The following HSF4 variants were observed in gnomAD, a reference collection of about 807,000 sequenced individuals.
HSF4 encodes heat shock factor protein 4.
Under a neutral mutation model 52.0 loss-of-function variants are expected in HSF4, and 41 were observed. That is an observed-to-expected ratio of 0.79 (90% CI 0.61 to 1.02). The LOEUF (loss-of-function observed/expected upper bound fraction) is 1.02. HSF4 is among the 50% of genes least tolerant of loss of function. The pLI, the probability that HSF4 is intolerant of heterozygous loss-of-function variation, is 0.00. For synonymous variants in HSF4, 285 were observed against 273.0 expected (o/e 1.04, Z -0.43); for missense variants, 610 against 651.1 (o/e 0.94, Z 0.69).
Position 67,165,545 on chromosome 16 carries a change from C to T in HSF4, c.147C>T (p.Ser49=), listed in dbSNP as rs201279480. ...WSPSGTSFLV[S]DQSRFAKEVL... Reference sequence around the variant, plus strand: ...AGAGCGGGACCAGTTTCCTCGTAAGCGACCAGAGCCGTTTCGCCAAGGAAG... The same window carrying T: ...AGAGCGGGACCAGTTTCCTCGTAAGTGACCAGAGCCGTTTCGCCAAGGAAG... The change falls in exon 2 of 13, where the codon AGC becomes AGT. Residue 49 remains serine, a synonymous_variant. Transcript: ENST00000521374. The surrounding 1 kb of genome is among the most constrained non-coding windows in gnomAD (Gnocchi z 6.9). The T allele has an allele frequency of 6.2e-7, 1 of 1,613,222 alleles. No individual in the cohort carries two copies. Among genetic ancestry groups the T allele is most frequent in the African/African-American group, 1.3e-5 (1 of 75,060 alleles).
At position 67,168,853 on chromosome 16, in the gene HSF4, G is replaced by A. The variant is rs770452104; in HGVS notation, c.1105G>A (p.Gly369Arg). 12 of 1,613,738 alleles carry A rather than the reference G, an allele frequency of 7.4e-6. No individual in the cohort carries two copies. The highest frequency in any genetic ancestry group is 4.0e-5 in the African/African-American group (3 of 74,932). The stretch of plus-strand genomic sequence containing the variant: ...CAGGGGGCCTCTGGGCCTGGAAAGC[G>A]GGGACAGGAGCCCAGAGAGTCTGCT... ...PDRGPLGLESGDRSPESLLPP... is the reference protein window; with the variant it reads ...PDRGPLGLESRDRSPESLLPP... Residue 369 changes from glycine to arginine, a missense_variant, in exon 10 of 13, where the codon GGG becomes AGG. Transcript: ENST00000521374.
In HSF4 at chr16:67,165,506, G is replaced by A. The variant is rs1463531375; in HGVS notation, c.124-16G>A. ...TGGTCTCCGCCCGCACGGTGGGCGG[G>A]CGGCGTTCTTGGTAGAGCGGGACCA... On this transcript the variant is annotated splice_polypyrimidine_tract_variant and intron_variant, in intron 1 of 12. Coordinates refer to ENST00000521374, the MANE Select transcript of HSF4 (RefSeq NM_001374675.1). This position sits in a 1 kb window ranked among gnomAD's most constrained non-coding sequence, Gnocchi z 6.9. The A allele has an allele frequency of 1.9e-6, 3 of 1,611,734 alleles. No individual in the cohort carries two copies. The Admixed American group carries it at 5.0e-5, about 27-fold the overall frequency.
chr16:67,165,462 C>G lies in HSF4; in HGVS notation c.124-60C>G. The G allele has an allele frequency of 6.8e-7, 1 of 1,467,444 alleles. No individual in the cohort carries two copies. The highest frequency in any genetic ancestry group is 9.5e-7 in the Non-Finnish European group (1 of 1,048,758). The allele number at this position is 1,467,444 out of a possible 1,614,324, so 90.9% of individuals were successfully genotyped here. A position where few individuals can be genotyped will look rare whatever the true frequency, so the allele number is the denominator to read the frequency against. On this transcript the variant is annotated intron_variant, in intron 1 of 12. Coordinates refer to ENST00000521374, the MANE Select transcript of HSF4 (RefSeq NM_001374675.1). This position sits in a 1 kb window ranked among gnomAD's most constrained non-coding sequence, Gnocchi z 6.9. ...GCTGGAGCGCAGGACTGGCCGTGAG[C>G]GGGCACCGCTCACCCTCCTGGTCTC...
At position 67,169,328 on chromosome 16, in the gene HSF4, G is replaced by A. The variant is rs1486653842; in HGVS notation, c.1304G>A (p.Gly435Glu). Residue 435 changes from glycine (G) to glutamate (E), a missense_variant, in exon 12 of 13, where the codon GGG (glycine) becomes GAG (glutamate). Coordinates refer to ENST00000521374, the MANE Select transcript of HSF4 (RefSeq NM_001374675.1). The surrounding 1 kb of genome is among the most constrained non-coding windows in gnomAD (Gnocchi z 4.3). The part of the protein sequence containing the change: ...ERGEPELAVK[G>E]LNSPSPGKDP... ...GGTGAGCCTGAGCTGGCGGTCAAGG[G>A]GTTAAATTCTCCAAGCCCAGGTAAT... 3 of 1,613,632 alleles carry A rather than the reference G, an allele frequency of 1.9e-6. No homozygotes were observed. Among genetic ancestry groups the A allele is most frequent in the Non-Finnish European group, 2.5e-6 (3 of 1,179,938 alleles).
At chr16:67,166,168 C>A in intron 4 of HSF4, 98 bp downstream of exon 4, 2 of 1,412,370 alleles carry the variant, frequency 1.4e-6, no homozygotes, top group Non-Finnish European at 1.9e-6. Context: ...CTTCCTCTCT[C>A]CTGCCTTGGC....
In HSF4 at chr16:67,167,830, C is replaced by T. The variant is rs771806483; in HGVS notation, c.965C>T (p.Pro322Leu). The change falls in exon 9 of 13, where the codon CCG (proline) becomes CTG (leucine). Residue 322 changes from proline to leucine, a missense_variant. By Grantham distance (98) the Pro-to-Leu change is moderately conservative. Transcript: ENST00000521374. ...NECDFCVTAPPPLPVAVVQAI... is the reference protein window; with the variant it reads ...NECDFCVTAPLPLPVAVVQAI... ...TGTGACTTCTGCGTGACAGCCCCCC[C>T]GCCACTGCCTGTGGCTGTGGTGCAG... 59 of 1,597,396 alleles carry T rather than the reference C, an allele frequency of 3.7e-5. No individual in the cohort carries two copies. Among genetic ancestry groups the T allele is most frequent in the Admixed American group, 2.1e-4 (12 of 57,384 alleles).
In HSF4 at chr16:67,166,357, C is replaced by G. The variant is rs377009893; in HGVS notation, c.523C>G (p.Arg175Gly). The G allele has an allele frequency of 1.2e-5, 19 of 1,608,122 alleles. No homozygotes were observed. Among genetic ancestry groups the G allele is most frequent in the Middle Eastern group, 1.6e-4 (1 of 6,084 alleles). Residue 175 changes from arginine (R) to glycine (G), a missense_variant, in exon 5 of 13, where the codon CGG (arginine) becomes GGG (glycine). Arg to Gly is a moderately radical substitution (Grantham distance 125). Transcript: ENST00000521374. ...EILWREVVTL[R>G]QSHGQQHRVI... is the part of the protein sequence containing the mutation. ...CTTGTGGCGGGAGGTGGTGACACTT[C>G]GGCAGAGCCACGGTCAGCAGCACCG...
chr16:67,168,763 C>A, intron 9 of HSF4, 68 bp from the exon 10 acceptor site: 1 of 1,135,972 alleles, frequency 8.8e-7, no homozygotes, highest in Non-Finnish European at 1.3e-6. Flanking sequence ...AATCTTGATG[C>A]ATCTGGGTTC....
In HSF4 at chr16:67,164,836, C is replaced by T; in HGVS notation, c.25C>T (p.Pro9Ser). Residue 9 changes from proline to serine, a missense_variant, in exon 1 of 13, where the codon CCC (proline) becomes TCC (serine). Physicochemically the swap from Pro to Ser is moderately conservative, Grantham distance 74 (BLOSUM62 -1). Coordinates refer to ENST00000521374, the MANE Select transcript of HSF4 (RefSeq NM_001374675.1). Reference protein sequence around the residue: MQEAPAALPTEPGPSPVPA... With the variant: MQEAPAALSTEPGPSPVPA... ...CATGCAGGAAGCGCCAGCTGCGCTG[C>T]CCACGGAGCCAGGCCCCAGCCCCGT... The T allele has an allele frequency of 6.2e-7, 1 of 1,603,124 alleles. No homozygotes were observed. Among genetic ancestry groups the T allele is most frequent in the Non-Finnish European group, 8.5e-7 (1 of 1,178,560 alleles).
chr16:67,169,794 G>A lies in HSF4; in HGVS notation c.*9G>A. The A allele has an allele frequency of 6.2e-7, 1 of 1,612,998 alleles. No homozygotes were observed. ...CCAGTCCCTCCCCCTAAGACCCCGC[G>A]CCTCTGAAGGGGCTTGGAACCAGTC... On this transcript the variant is annotated 3_prime_UTR_variant, in exon 13 of 13. Coordinates refer to ENST00000521374, the MANE Select transcript of HSF4 (RefSeq NM_001374675.1). This position sits in a 1 kb window ranked among gnomAD's most constrained non-coding sequence, Gnocchi z 4.3.
At position 67,165,498 on chromosome 16, in the gene HSF4, G is replaced by A. The variant is rs1287969411; in HGVS notation, c.124-24G>A. On this transcript the variant is annotated intron_variant, in intron 1 of 12. Transcript: ENST00000521374. This position sits in a 1 kb window ranked among gnomAD's most constrained non-coding sequence, Gnocchi z 6.9. ...CACCCTCCTGGTCTCCGCCCGCACG[G>A]TGGGCGGGCGGCGTTCTTGGTAGAG... The A allele has an allele frequency of 6.2e-7, 1 of 1,604,742 alleles. No homozygotes were observed. The highest frequency in any genetic ancestry group is 1.7e-5 in the Admixed American group (1 of 60,008).
rs1266056028 is a variant in HSF4 at position 67,168,901 on chromosome 16, C to T, written c.1153C>T (p.Pro385Ser). 1.2e-6 allele frequency: 2 copies of T among 1,613,960 alleles called. No homozygotes were observed. Among genetic ancestry groups the T allele is most frequent in the African/African-American group, 2.7e-5 (2 of 74,904 alleles). The change falls in exon 10 of 13, where the codon CCT becomes TCT. Residue 385 changes from proline to serine, a missense_variant. Pro to Ser is a moderately conservative substitution (Grantham distance 74, BLOSUM62 -1). Transcript: ENST00000521374. ...GCTGCCTCCGATGCTGCTTCAGCCC[C>T]CTCAAGAAAGTGTGGAACCTGCAGG... ...SLLPPMLLQP[P>S]QESVEPAGPL... is the part of the protein sequence containing the mutation.
At chr16:67,164,530 A>G (rs1050848824), upstream of HSF4, 1 of 641,916 alleles carries the variant, frequency 1.6e-6, no homozygotes, top group Non-Finnish European at 2.9e-6. Context: ...GTGGGACTCG[A>G]ACCCAAGTCT....
In HSF4 at chr16:67,169,242, G is replaced by T. The variant is rs748682853; in HGVS notation, c.1255-37G>T. On this transcript the variant is annotated intron_variant, in intron 11 of 12. Coordinates refer to ENST00000521374, the MANE Select transcript of HSF4 (RefSeq NM_001374675.1). The surrounding 1 kb of genome is among the most constrained non-coding windows in gnomAD (Gnocchi z 4.3). ...CCCAGCTGTCCCCCTCAGCTGCTAG[G>T]TCCCCTCCCCAGCTGCTCCCTGCGG... 4 of 1,612,210 alleles carry T rather than the reference G, an allele frequency of 2.5e-6. No individual in the cohort carries two copies. Among genetic ancestry groups the T allele is most frequent in the Non-Finnish European group, 3.4e-6 (4 of 1,179,662 alleles).
chr16:67,167,881 T>C lies in HSF4; in HGVS notation c.1016T>C (p.Phe339Ser). ...GCCATCCTGGAAGGGAAAGGGAGCT[T>C]CAGCCCCGAGGGGCCCAGGAATGCC... The part of the protein sequence containing the change: ...VQAILEGKGS[F>S]SPEGPRNAQQ... The change falls in exon 9 of 13, where the codon TTC (phenylalanine) becomes TCC (serine). Residue 339 changes from phenylalanine (F) to serine (S), a missense_variant. Phe to Ser is a radical substitution (Grantham distance 155). Coordinates refer to ENST00000521374, the MANE Select transcript of HSF4 (RefSeq NM_001374675.1). 1 of 1,606,614 alleles carries C rather than the reference T, an allele frequency of 6.2e-7. No homozygotes were observed. Among genetic ancestry groups the C allele is most frequent in the South Asian group, 1.1e-5 (1 of 90,148 alleles).
chr16:67,165,092 G>C lies in HSF4; in HGVS notation c.123+158G>C, dbSNP rs1158886746. 3.7e-6 allele frequency: 3 copies of C among 817,474 alleles called. No homozygotes were observed. In the African/African-American group the frequency reaches 5.2e-5, roughly 14 times the overall value. The allele number at this position is 817,474 out of a possible 1,614,324, so 50.6% of individuals were successfully genotyped here. A position where few individuals can be genotyped will look rare whatever the true frequency, so the allele number is the denominator to read the frequency against. ...CTTGGAGGGGGTGTGCGAGAGGGGG[G>C]TTTCCTCTGCGGCCGAAGAAGGGTT... On this transcript the variant is annotated intron_variant, in intron 1 of 12. Transcript: ENST00000521374. The surrounding 1 kb of genome is among the most constrained non-coding windows in gnomAD (Gnocchi z 6.9).
In HSF4 at chr16:67,167,940, C is replaced by A. The variant is rs886052216; in HGVS notation, c.1075C>A (p.Pro359Thr). The change falls in exon 9 of 13, where the codon CCT (proline) becomes ACT (threonine). Residue 359 changes from proline (P) to threonine (T), a missense_variant. Pro to Thr is a conservative substitution (Grantham distance 38). Coordinates refer to ENST00000521374, the MANE Select transcript of HSF4 (RefSeq NM_001374675.1). Reference sequence around the variant, plus strand: ...TGAACCAGGGGATCCCAGGGAGATACCTGACAGGTGAGCAGAGCCCCAGCT... The same window carrying A: ...TGAACCAGGGGATCCCAGGGAGATAACTGACAGGTGAGCAGAGCCCCAGCT... ...QPEPGDPREI[P>T]DRGPLGLESG... is the part of the protein sequence containing the mutation. 2 of 1,591,572 alleles carry A rather than the reference C, an allele frequency of 1.3e-6. No individual in the cohort carries two copies. The highest frequency in any genetic ancestry group is 1.7e-6 in the Non-Finnish European group (2 of 1,174,702).
rs557202268 is a variant in HSF4, at chr16:67,167,825, C to A, written c.960C>A (p.Ala320=). 3.1e-6 allele frequency: 5 copies of A among 1,594,820 alleles called. No individual in the cohort carries two copies. Among genetic ancestry groups the A allele is most frequent in the Middle Eastern group, 1.7e-4 (1 of 6,054 alleles). ...ACGAGTGTGACTTCTGCGTGACAGC[C>A]CCCCCGCCACTGCCTGTGGCTGTGG... The part of the protein sequence containing the change: ...APNECDFCVT[A]PPPLPVAVVQ... Residue 320 remains alanine, a synonymous_variant, in exon 9 of 13, where the codon GCC becomes GCA. Coordinates refer to ENST00000521374, the MANE Select transcript of HSF4 (RefSeq NM_001374675.1).
rs780410079 is a variant in HSF4 at position 67,169,306 on chromosome 16, G to A, written c.1282G>A (p.Glu428Lys). 25 of 1,613,614 alleles carry A rather than the reference G, an allele frequency of 1.5e-5. No homozygotes were observed. Among genetic ancestry groups the A allele is most frequent in the Non-Finnish European group, 1.9e-5 (22 of 1,180,002 alleles). Residue 428 changes from glutamate (E) to lysine (K), a missense_variant, in exon 12 of 13, where the codon GAG (glutamate) becomes AAG (lysine). By Grantham distance (56) the Glu-to-Lys change is moderately conservative. Coordinates refer to ENST00000521374, the MANE Select transcript of HSF4 (RefSeq NM_001374675.1). This position sits in a 1 kb window ranked among gnomAD's most constrained non-coding sequence, Gnocchi z 4.3. ...GCAGCCCTTGGTTCCAGAGCGGGGT[G>A]AGCCTGAGCTGGCGGTCAAGGGGTT... The part of the protein sequence containing the change: ...LMQPLVPERG[E>K]PELAVKGLNS...
Sources: gnomAD v4.1 joint callset for allele counts on GRCh38, gnomAD v4.1.1 for gene constraint, Gnocchi (gnomAD v3.1) non-coding constraint, MANE v1.5 for transcripts, NCBI Gene and HGNC (gene_info 2026-07-23, HGNC 2026-07-21) for gene names.